MAF: variants seen among roughly 807,000 people sequenced by gnomAD.
MAF encodes the protein MAF bZIP transcription factor.
MAF carries 10 observed loss-of-function variants against 22.0 expected under a neutral mutation model. That is an observed-to-expected ratio of 0.45 (90% confidence interval 0.28 to 0.77). The LOEUF is 0.77. MAF is among the 30% of genes least tolerant of loss of function. The pLI is 0.12. For synonymous variants in MAF, 337 were observed against 255.8 expected, an observed-to-expected ratio of 1.32 and a Z score of -3.03; for missense variants, 544 against 548.4, an observed-to-expected ratio of 0.99 and a Z score of 0.08.
At chr16:79,372,542 G>A in the MAF span, among the ~76,000 whole-genome samples, 1 of 152,174 alleles carries the variant, frequency 6.6e-6, no homozygotes, top group Non-Finnish European at 1.5e-5. Context: ...ACATCAGACT[G>A]GAAAAACCTA....
the MAF span, among the ~76,000 whole-genome samples, chr16:79,359,545 G>T: frequency 6.0e-4 from 92 of 152,330 alleles, no homozygotes; most frequent in African/African-American, 2.2e-3. Flanking sequence ...GGGTTATGCT[G>T]AGGGACAAAG....
the MAF span, among the ~76,000 whole-genome samples, chr16:79,332,024 C>G: frequency 6.6e-6 from 1 of 152,218 alleles, no homozygotes; most frequent in African/African-American, 2.4e-5. Flanking sequence ...TTTAGAACAT[C>G]TGCTCTAGGA....
chr16:79,295,033 T>A, the MAF span, among the ~76,000 whole-genome samples: 1 of 139,950 alleles, frequency 7.1e-6, no homozygotes, highest in African/African-American at 2.7e-5. Flanking sequence ...AGGTTGTTAA[T>A]AATGCTAGAA....
chr16:79,560,414 G>C, the MAF span, among the ~76,000 whole-genome samples: 5 of 147,886 alleles, frequency 3.4e-5, no homozygotes, highest in African/African-American at 1.3e-4. Flanking sequence ...CGAACAAAAA[G>C]CAAGCTGAAA....
At chr16:79,340,518 G>C in the MAF span, among the ~76,000 whole-genome samples, 1 of 151,592 alleles carries the variant, frequency 6.6e-6, no homozygotes. Flanking sequence ...AGCAGGGACA[G>C]AAAAACAGCC....
the MAF span, among the ~76,000 whole-genome samples, chr16:79,337,487 G>C: frequency 1.3e-5 from 2 of 152,168 alleles, no homozygotes; most frequent in Non-Finnish European, 2.9e-5. Flanking sequence ...AGAATCGCTT[G>C]AACCTGGGAG....
chr16:79,277,978 G>A, the MAF span, among the ~76,000 whole-genome samples: 7 of 152,160 alleles, frequency 4.6e-5, no homozygotes, highest in Non-Finnish European at 7.4e-5. Context: ...TCTGCCCAGC[G>A]CTACTAATTT....
the MAF span, among the ~76,000 whole-genome samples, chr16:79,355,464 A>T: frequency 0.68 from 103,174 of 152,032 alleles, 36,315 homozygotes; most frequent in East Asian, 0.96. Context: ...CCATTGGCCA[A>T]ACAGTTCCAA....
chr16:79,571,720 T>C, the MAF span, among the ~76,000 whole-genome samples: 3 of 151,972 alleles, frequency 2.0e-5, no homozygotes, highest in Non-Finnish European at 4.4e-5. Context: ...GTCTACAAGG[T>C]TTCCAGCCTT....
At chr16:79,291,985 C>T in the MAF span, among the ~76,000 whole-genome samples, 1 of 151,340 alleles carries the variant, frequency 6.6e-6, no homozygotes, top group Non-Finnish European at 1.5e-5. Flanking sequence ...GTGGCATCGT[C>T]CCTCTTTCAA....
At chr16:79,483,952 G>A in the MAF span, among the ~76,000 whole-genome samples, 9 of 152,178 alleles carry the variant, frequency 5.9e-5, no homozygotes, top group Non-Finnish European at 1.0e-4. Context: ...TGGTAGAGTG[G>A]CCAACTTGAC....
At chr16:79,271,355 G>A in the MAF span, among the ~76,000 whole-genome samples, 1 of 152,098 alleles carries the variant, frequency 6.6e-6, no homozygotes. Context: ...GCCTCCCAAT[G>A]TATGTAAATA....
the MAF span, among the ~76,000 whole-genome samples, chr16:79,284,731 G>A: frequency 6.6e-6 from 1 of 152,170 alleles, no homozygotes; most frequent in African/African-American, 2.4e-5. Flanking sequence ...TTTAACTTCC[G>A]TTTTTCAGGC....
the MAF span, among the ~76,000 whole-genome samples, chr16:79,527,610 C>T: frequency 6.6e-6 from 1 of 152,136 alleles, no homozygotes; most frequent in African/African-American, 2.4e-5. Context: ...CATCACCTTA[C>T]AATCATTAAG....
chr16:79,446,959 G>C, the MAF span, among the ~76,000 whole-genome samples: 1,767 of 152,046 alleles, frequency 0.012, 12 homozygotes, highest in Middle Eastern at 0.017. Context: ...AGAAGAAAAA[G>C]TAAAAGAAAT....
the MAF span, among the ~76,000 whole-genome samples, chr16:79,221,740 T>C: frequency 6.6e-6 from 1 of 151,090 alleles, no homozygotes; most frequent in East Asian, 1.9e-4. Context: ...CGTGTGTACG[T>C]ATACGTGATT....
the MAF span, chr16:79,229,438 G>A: frequency 1.3e-5 from 2 of 152,096 alleles, no homozygotes; most frequent in African/African-American, 4.8e-5. Context: ...AGATAGAGCT[G>A]CCTTTCCGTT....
At chr16:79,438,121 G>T in the MAF span, among the ~76,000 whole-genome samples, 1 of 152,130 alleles carries the variant, frequency 6.6e-6, no homozygotes, top group Non-Finnish European at 1.5e-5. Flanking sequence ...CGTTGGGGGG[G>T]CAGGGGGAAG....
the MAF span, among the ~76,000 whole-genome samples, chr16:79,565,110 C>A: frequency 3.3e-5 from 5 of 152,092 alleles, no homozygotes; most frequent in African/African-American, 1.2e-4. Flanking sequence ...GATAACTAGT[C>A]CCAGGGTGTT....
Sources: allele counts gnomAD v4.1 joint callset (sites outside exome capture counted in the v4.1 genomes callset), GRCh38; gene constraint gnomAD v4.1.1; transcripts MANE v1.5; gene names NCBI Gene and HGNC (gene_info 2026-07-23, HGNC 2026-07-21).